Variants in PPP2R2B observed in about 807,000 individuals in gnomAD.
PPP2R2B encodes serine/threonine-protein phosphatase 2A 55 kDa regulatory subunit B beta isoform.
PPP2R2B carries 5 observed loss-of-function variants against 46.0 expected under a neutral mutation model. That is an observed-to-expected ratio of 0.11 (90% CI 0.06 to 0.23). The LOEUF (loss-of-function observed/expected upper bound fraction) is 0.23, where lower values mean the gene tolerates loss of function less well. PPP2R2B is among the 10% of genes least tolerant of loss of function. The pLI, the probability that PPP2R2B is intolerant of heterozygous loss-of-function variation, is 1.00. For synonymous variants in PPP2R2B, 215 were observed against 206.7 expected, an observed-to-expected ratio of 1.04 and a Z score of -0.34; for missense variants, 367 against 575.0, an observed-to-expected ratio of 0.64 and a Z score of 3.70.
chr5:146,700,548 A>C (rs1340607844), intron 3 of PPP2R2B, among the ~76,000 whole-genome samples: 1 of 152,130 alleles, frequency 6.6e-6, no homozygotes, highest in Non-Finnish European at 1.5e-5. Context: ...TGTGTGTCAT[A>C]AGCTTTACTC....
intron 1 of PPP2R2B, among the ~76,000 whole-genome samples, chr5:147,014,416 G>T (rs1032104262): frequency 6.6e-6 from 1 of 150,932 alleles, no homozygotes; most frequent in Non-Finnish European, 1.5e-5. Context: ...AAATCATGCT[G>T]CTATAAAGAC....
chr5:147,020,834 A>AT (rs1210518975), intron 1 of PPP2R2B, among the ~76,000 whole-genome samples: 1 of 152,168 alleles, frequency 6.6e-6, no homozygotes, highest in Non-Finnish European at 1.5e-5. Context: ...AAATGAAAAC[A>AT]TTTTCCACAT....
intron 2 of PPP2R2B, among the ~76,000 whole-genome samples, chr5:146,803,635 C>T (rs182954214): frequency 7.2e-5 from 11 of 152,140 alleles, no homozygotes; most frequent in Non-Finnish European, 1.2e-4. Flanking sequence ...TTTTCAAAGC[C>T]CTATGACATG....
intron 2 of PPP2R2B, among the ~76,000 whole-genome samples, chr5:146,781,267 T>C (rs371453352): frequency 2.0e-5 from 3 of 148,912 alleles, no homozygotes; most frequent in African/African-American, 7.4e-5. Flanking sequence ...TGTGAGTATA[T>C]CAACCCAGGT....
intron 5 of PPP2R2B, among the ~76,000 whole-genome samples, chr5:146,651,480 C>A (rs531612163): frequency 6.6e-6 from 1 of 152,124 alleles, no homozygotes; most frequent in African/African-American, 2.4e-5. Flanking sequence ...TCTGGTGGAT[C>A]AGAGAATCGG....
chr5:146,659,235 TA>T (rs753505430), intron 5 of PPP2R2B, among the ~76,000 whole-genome samples: 25 of 152,340 alleles, frequency 1.6e-4, no homozygotes, highest in Non-Finnish European at 2.2e-4. Flanking sequence ...AGCTTTATTT[TA>T]AACTGCCAAT....
chr5:146,803,887 G>C (rs1434851381), intron 2 of PPP2R2B, among the ~76,000 whole-genome samples: 1 of 152,222 alleles, frequency 6.6e-6, no homozygotes. Flanking sequence ...AGTTAAGCTG[G>C]TTGGGCACGG....
intron 2 of PPP2R2B, among the ~76,000 whole-genome samples, chr5:147,079,434 T>TTTTATATATATATATA (rs1554091362): frequency 1.2e-5 from 1 of 80,966 alleles, no homozygotes; most frequent in African/African-American, 4.2e-5. Context: ...CACACACATT[T>TTTTATATATATATATA]TATATATATA....
At chr5:146,795,376 CCATTTGTGACCA>C (rs1246693161) in intron 2 of PPP2R2B, among the ~76,000 whole-genome samples, 2 of 152,078 alleles carry the variant, frequency 1.3e-5, no homozygotes, top group African/African-American at 4.8e-5. Flanking sequence ...GGAAACCCTC[CCATTTGTGACCA>C]CATGGAAGAA....
intron 7 of PPP2R2B, among the ~76,000 whole-genome samples, chr5:146,619,587 T>G (rs1773505452): frequency 6.6e-6 from 1 of 152,188 alleles, no homozygotes; most frequent in South Asian, 2.1e-4. Flanking sequence ...CTAAATTTTT[T>G]GAGGAACTCT....
At chr5:146,985,666 A>G (rs1157027526) in intron 1 of PPP2R2B, among the ~76,000 whole-genome samples, 2 of 152,240 alleles carry the variant, frequency 1.3e-5, no homozygotes, top group Non-Finnish European at 2.9e-5. Flanking sequence ...TGAACAAGAC[A>G]AACATGTCCA....
intron 1 of PPP2R2B, among the ~76,000 whole-genome samples, chr5:146,902,488 T>C (rs1762866858): frequency 6.6e-6 from 1 of 152,186 alleles, no homozygotes; most frequent in Non-Finnish European, 1.5e-5. Context: ...TTACCATGGA[T>C]CAGGCTTTGT....
intron 1 of PPP2R2B, among the ~76,000 whole-genome samples, chr5:146,967,725 T>C (rs1390405963): frequency 6.6e-6 from 1 of 152,104 alleles, no homozygotes; most frequent in African/African-American, 2.4e-5. Context: ...TCAGAATACA[T>C]AGAGATGCCA....
At position 146,638,391 on chromosome 5, in the gene PPP2R2B, T is replaced by C; in HGVS notation, c.650A>G (p.Asn217Ser). 6.2e-7 allele frequency: 1 copy of C among 1,611,232 alleles called. No homozygotes were observed. ...GATCACCTCCGTGAGCTCCTCCATG[T>C]TGGCTGGCTTAATGTCCACAATATC... is the stretch of plus-strand genomic sequence containing the variant. Reference protein sequence around the residue: ...SFNIVDIKPANMEELTEVITA... With the variant: ...SFNIVDIKPASMEELTEVITA... The change falls in exon 7 of 10, where the codon AAC (asparagine) becomes AGC (serine). Residue 217 changes from asparagine to serine, a missense_variant. Physicochemically the swap from Asn to Ser is conservative, Grantham distance 46. Around this residue, in one of 2 missense-constraint regions of PPP2R2B, gnomAD observed 361 missense variants for 545.5 expected, o/e 0.66. Coordinates refer to ENST00000394411, the MANE Select transcript of PPP2R2B (RefSeq NM_181675.4).
rs188683882 is a variant in PPP2R2B at position 146,755,492 on chromosome 5, A to G, written c.71-54350T>C. 1.9e-3 allele frequency among the ~76,000 whole-genome samples: 288 copies of G among 152,320 alleles called. 1 individual carries two copies. Among genetic ancestry groups the G allele is most frequent in the African/African-American group, 6.6e-3 (274 of 41,570 alleles). ...CCTTAGCATAAGTCATATATAATAA[A>G]TGATCATTTTTACTCATGTTTCTTA... On this transcript the variant is annotated intron_variant, in intron 2 of 9. Transcript: ENST00000394411.
intron 2 of PPP2R2B, among the ~76,000 whole-genome samples, chr5:146,811,557 ATT>A (rs1178978309): frequency 0.033 from 3,146 of 95,750 alleles, 22 homozygotes; most frequent in African/African-American, 0.068. Flanking sequence ...TCAACTATGT[ATT>A]TTTTTTTTTT....
Position 146,878,388 on chromosome 5 carries a change from G to T in PPP2R2B, c.-124-193C>A. 1.4e-6 allele frequency: 2 copies of T among 1,429,450 alleles called. No individual in the cohort carries two copies. The highest frequency in any genetic ancestry group is 1.8e-6 in the Non-Finnish European group (2 of 1,097,808). The allele number at this position is 1,429,450 out of a possible 1,614,324, so 88.5% of individuals were successfully genotyped here. Reference sequence around the variant, plus strand: ...GGTGCCAAGATACGCCGTGCCCCGAGGGGTCTGGTCCCGCCCGCCCGCCCC... The same window carrying T: ...GGTGCCAAGATACGCCGTGCCCCGATGGGTCTGGTCCCGCCCGCCCGCCCC... On this transcript the variant is annotated intron_variant, in intron 1 of 9. Transcript: ENST00000394411. This position sits in a 1 kb window ranked among gnomAD's most constrained non-coding sequence, Gnocchi z 4.5.
chr5:146,684,419 A>C (rs2151142074), intron 5 of PPP2R2B, among the ~76,000 whole-genome samples: 1 of 152,348 alleles, frequency 6.6e-6, no homozygotes, highest in South Asian at 2.1e-4. Context: ...AGAGGGAGCA[A>C]GAAAGCCTAA....
intron 5 of PPP2R2B, among the ~76,000 whole-genome samples, chr5:146,687,121 C>T (rs185648453): frequency 9.9e-5 from 15 of 151,098 alleles, no homozygotes; most frequent in Non-Finnish European, 1.8e-4. Flanking sequence ...AGAGAGGGAG[C>T]GATTGATCGA....
Sources: gnomAD v4.1 joint callset for allele counts (sites outside exome capture counted in the v4.1 genomes callset) on GRCh38, gnomAD v4.1.1 for gene constraint, gnomAD v4.1.1 regional missense constraint, Gnocchi (gnomAD v3.1) non-coding constraint, MANE v1.5 for transcripts, NCBI Gene and HGNC (gene_info 2026-07-23, HGNC 2026-07-21) for gene names.